Variants in TNK2 observed in about 807,000 individuals in gnomAD.
TNK2 encodes the protein tyrosine kinase non receptor 2.
A neutral mutation model predicts 101.8 loss-of-function variants in TNK2; 83 were observed. The observed-to-expected ratio is 0.82, with a 90% CI of 0.68 to 0.98. The LOEUF (loss-of-function observed/expected upper bound fraction) is 0.98. Ranked by LOEUF, TNK2 falls within the 50% of genes least tolerant of loss-of-function variation. TNK2 has a pLI of 0.00. For missense variants in TNK2, 1,665 were observed against 1,483.2 expected, an observed-to-expected ratio of 1.12 and a Z score of -2.01; for synonymous variants, 804 against 633.0, an observed-to-expected ratio of 1.27 and a Z score of -4.06.
chr3:195,893,647 G>A (rs1052634409), intron 1 of TNK2, among the ~76,000 whole-genome samples: 11 of 151,586 alleles, frequency 7.3e-5, no homozygotes, highest in Non-Finnish European at 1.3e-4. Context: ...CACCCCCCTC[G>A]CTACGGCCCC....
rs377033627 is a variant in TNK2, at chr3:195,890,890, A to C, written c.-18-2284T>G. On this transcript the variant is annotated intron_variant, in intron 1 of 15. Transcript: ENST00000672887. ...TTATTTCAAAACTCCCCTCTCGGTC[A>C]GCACTTGCAGATGCTGCCTTCACGG... is the stretch of plus-strand genomic sequence containing the variant. 3.3e-5 allele frequency among the ~76,000 whole-genome samples: 5 copies of C among 152,374 alleles called. No homozygotes were observed. The East Asian group carries it at 5.8e-4, about 18-fold the overall frequency.
intron 10 of TNK2, among the ~76,000 whole-genome samples, chr3:195,871,952 CCTGG>C (rs1745662159): frequency 8.0e-6 from 1 of 125,610 alleles, no homozygotes; most frequent in African/African-American, 2.9e-5. Context: ...AGAACATTCC[CCTGG>C]AGAACCCTCC....
In TNK2 at chr3:195,882,528, C is replaced by T. The variant is rs1753645425; in HGVS notation, c.610-200G>A. The T allele has an allele frequency of 6.5e-7, 1 of 1,533,164 alleles. No homozygotes were observed. Among genetic ancestry groups the T allele is most frequent in the African/African-American group, 1.4e-5 (1 of 73,106 alleles). The allele number at this position is 1,533,164 out of a possible 1,614,324, so 95.0% of individuals were successfully genotyped here. On this transcript the variant is annotated intron_variant, in intron 5 of 15. Transcript: ENST00000672887. This position sits in a 1 kb window ranked among gnomAD's most constrained non-coding sequence, Gnocchi z 4.2. ...TCGAGGCAATTTGGGAAACTGATGC[C>T]TAGAGAGAAGGAGCCCAAAGAGGCA... is the stretch of plus-strand genomic sequence containing the variant.
At position 195,882,241 on chromosome 3, in the gene TNK2, C is replaced by T. The variant is rs749390120; in HGVS notation, c.697G>A (p.Ala233Thr). The change falls in exon 6 of 16, where the codon GCT becomes ACT. Residue 233 changes from alanine to threonine, a missense_variant. Around this residue, in one of 3 missense-constraint regions of TNK2, gnomAD observed 490 missense variants for 522.5 expected, o/e 0.94. Coordinates refer to ENST00000672887, the MANE Select transcript of TNK2 (RefSeq NM_001382273.1). The surrounding 1 kb of genome is among the most constrained non-coding windows in gnomAD (Gnocchi z 4.2). ...CCCATGCCCTCAGCCACCTGCACAG[C>T]GTAGCGGCTCAGAGTCCCCAGGAGG... is the stretch of plus-strand genomic sequence containing the variant. ...HFLLGTLSRYAVQVAEGMGYL... is the reference protein window; with the variant it reads ...HFLLGTLSRYTVQVAEGMGYL... 1.9e-6 allele frequency: 3 copies of T among 1,613,674 alleles called. No homozygotes were observed. Among genetic ancestry groups the T allele is most frequent in the Middle Eastern group, 1.6e-4 (1 of 6,084 alleles).
At position 195,867,353 on chromosome 3, in the gene TNK2, G is replaced by A; in HGVS notation, c.2937+8C>T. 6.2e-7 allele frequency: 1 copy of A among 1,608,024 alleles called. No homozygotes were observed. On this transcript the variant is annotated splice_region_variant and intron_variant, in intron 13 of 15. Coordinates refer to ENST00000672887, the MANE Select transcript of TNK2 (RefSeq NM_001382273.1). ...CCCGCTTCGCCCACAGCCAGGCTGG[G>A]TGCTCACCATCTGGATCTTGTCTGC...
chr3:195,895,786 GTCCGAC>G (rs1760324236), intron 1 of TNK2: 1 of 219,914 alleles, frequency 4.5e-6, no homozygotes, highest in African/African-American at 2.3e-5. Context: ...AGGGGCCTCC[GTCCGAC>G]TCCATCTGAG....
chr3:195,877,356 C>T (rs1208014938), intron 9 of TNK2, among the ~76,000 whole-genome samples: 1 of 152,156 alleles, frequency 6.6e-6, no homozygotes, highest in Non-Finnish European at 1.5e-5. Context: ...TCACACTCCA[C>T]ACAGCCCCCC....
chr3:195,868,727 A>C lies in TNK2; in HGVS notation c.1589-18T>G. 6.5e-7 allele frequency: 1 copy of C among 1,531,006 alleles called. No individual in the cohort carries two copies. Among genetic ancestry groups the C allele is most frequent in the Admixed American group, 2.1e-5 (1 of 48,534 alleles). The allele number at this position is 1,531,006 out of a possible 1,614,324, so 94.8% of individuals were successfully genotyped here. A position where few individuals can be genotyped will look rare whatever the true frequency, so the allele number is the denominator to read the frequency against. On this transcript the variant is annotated intron_variant, in intron 12 of 15. Coordinates refer to ENST00000672887, the MANE Select transcript of TNK2 (RefSeq NM_001382273.1). ...GGTTGGTTCTGTGATGGAAAGGGAG[A>C]GCCCAACAGGAAGGCAGTCAGGCAG...
rs944276039 is a variant in TNK2, at chr3:195,882,645, G to C, written c.610-317C>G. On this transcript the variant is annotated intron_variant, in intron 5 of 15. Transcript: ENST00000672887. This position sits in a 1 kb window ranked among gnomAD's most constrained non-coding sequence, Gnocchi z 4.2. The stretch of plus-strand genomic sequence containing the variant: ...GGCCGAGGTGGGTGGATCATTTGAG[G>C]TCAGGAGTTTGAGACCAGCCTGGCC... The C allele has an allele frequency of 3.6e-6, 3 of 822,418 alleles. No individual in the cohort carries two copies. In the African/African-American group the frequency reaches 5.2e-5, roughly 14 times the overall value. The allele number at this position is 822,418 out of a possible 1,614,324, so 50.9% of individuals were successfully genotyped here.
intron 1 of TNK2, among the ~76,000 whole-genome samples, chr3:195,903,973 G>A (rs1761484202): frequency 6.6e-6 from 1 of 152,154 alleles, no homozygotes; most frequent in African/African-American, 2.4e-5. Context: ...GGAAAGTAAA[G>A]TTTAAACAAC....
At position 195,878,620 on chromosome 3, in the gene TNK2, C is replaced by T. The variant is rs373754919; in HGVS notation, c.1015-28G>A. 98 of 1,602,832 alleles carry T rather than the reference C, an allele frequency of 6.1e-5. No homozygotes were observed. The African/African-American group carries it at 1.1e-3, about 18-fold the overall frequency. The stretch of plus-strand genomic sequence containing the variant: ...GAAGGTGAGGAGGTGCAGAGTTTGA[C>T]GACAAACAGAGCGCCCAGCCCTTCA... On this transcript the variant is annotated intron_variant, in intron 7 of 15. Transcript: ENST00000672887. This position sits in a 1 kb window ranked among gnomAD's most constrained non-coding sequence, Gnocchi z 4.7.
At position 195,886,149 on chromosome 3, in the gene TNK2, C is replaced by G. The variant is rs12106975; in HGVS notation, c.234+828G>C. 11,277 of 153,762 alleles carry G rather than the reference C, an allele frequency of 0.073. 999 individuals carry two copies. Among genetic ancestry groups the G allele is most frequent in the African/African-American group, 0.21 (8,889 of 41,454 alleles). The allele number at this position is 153,762 out of a possible 1,614,324, so 9.5% of individuals were successfully genotyped here. A position where few individuals can be genotyped will look rare whatever the true frequency, so the allele number is the denominator to read the frequency against. On this transcript the variant is annotated intron_variant, in intron 3 of 15. Coordinates refer to ENST00000672887, the MANE Select transcript of TNK2 (RefSeq NM_001382273.1). This position sits in a 1 kb window ranked among gnomAD's most constrained non-coding sequence, Gnocchi z 4.2. ...TCAGGAGCCAGTGGCAGATCCAAGA[C>G]CCCTAAATCTCAGCAAACCACGCTG...
intron 1 of TNK2, chr3:195,892,777 C>A: frequency 8.2e-7 from 1 of 1,223,750 alleles, no homozygotes; most frequent in Non-Finnish European, 1.0e-6. Context: ...CCGGCTTCCC[C>A]ACCCAACTGC....
Position 195,882,966 on chromosome 3 carries a change from G to T in TNK2, c.609+191C>A, listed in dbSNP as rs1753875270. On this transcript the variant is annotated intron_variant, in intron 5 of 15. Coordinates refer to ENST00000672887, the MANE Select transcript of TNK2 (RefSeq NM_001382273.1). The surrounding 1 kb of genome is among the most constrained non-coding windows in gnomAD (Gnocchi z 4.2). Reference sequence around the variant, plus strand: ...TGAGCACCAGCAAAATCCAGAGACAGACCCGGACTGGACCGCAGCAGACAC... The same window carrying T: ...TGAGCACCAGCAAAATCCAGAGACATACCCGGACTGGACCGCAGCAGACAC... 6.6e-6 allele frequency among the ~76,000 whole-genome samples: 1 copy of T among 152,156 alleles called. No individual in the cohort carries two copies. Among genetic ancestry groups the T allele is most frequent in the Admixed American group, 6.5e-5 (1 of 15,276 alleles).
chr3:195,872,647 C>T, intron 9 of TNK2, 177 bp from the exon 10 acceptor site: 2 of 642,404 alleles, frequency 3.1e-6, no homozygotes, highest in Non-Finnish European at 5.2e-6. Context: ...ATGCCCCGTA[C>T]AGGCCTGTTT....
chr3:195,905,215 T>C (rs567170588), intron 1 of TNK2, among the ~76,000 whole-genome samples: 21 of 152,166 alleles, frequency 1.4e-4, no homozygotes, highest in Non-Finnish European at 2.9e-4. Context: ...TCTTTTTCTT[T>C]TTGAGATGGA....
intron 10 of TNK2, among the ~76,000 whole-genome samples, chr3:195,871,418 C>T (rs1017354313): frequency 5.3e-5 from 8 of 152,088 alleles, no homozygotes; most frequent in African/African-American, 1.5e-4. Flanking sequence ...CAGGCTCACT[C>T]CCATGTGGAC....
chr3:195,880,158 A>AT (rs1362758456), intron 6 of TNK2, among the ~76,000 whole-genome samples: 4 of 151,990 alleles, frequency 2.6e-5, no homozygotes. Context: ...GAGAACCACA[A>AT]TGGTCTCAGC....
Position 195,868,671 on chromosome 3 carries a change from AG to A in TNK2, c.1626del (p.Leu543CysfsTer188). 1 of 1,593,148 alleles carries A rather than the reference AG, an allele frequency of 6.3e-7. No individual in the cohort carries two copies. The highest frequency in any genetic ancestry group is 8.5e-7 in the Non-Finnish European group (1 of 1,177,714). Reference protein sequence around the residue: ...TYDPVSEDQDPLSSDFKRLGL... With the variant: ...TYDPVSEDQDXLSSDFKRLGL... ...CCCAGCCTCTTGAAGTCGCTGGACA[AG>A]GGGTCTTGGTCCTCGCTCACAGGGT... On this transcript the variant is annotated frameshift_variant, in exon 13 of 16. Transcript: ENST00000672887. LOFTEE classifies it high-confidence loss of function.
Sources: gnomAD v4.1 joint callset for allele counts (sites outside exome capture counted in the v4.1 genomes callset) on GRCh38, gnomAD v4.1.1 for gene constraint, gnomAD v4.1.1 regional missense constraint, Gnocchi (gnomAD v3.1) non-coding constraint, MANE v1.5 for transcripts, NCBI Gene and HGNC (gene_info 2026-07-23, HGNC 2026-07-21) for gene names.